The following XPO7 variants were observed in gnomAD, a reference collection of about 807,000 sequenced individuals.
XPO7 encodes exportin 7, also known as exportin-7.
A neutral mutation model predicts 144.3 loss-of-function variants in XPO7; 21 were observed. The ratio of observed to expected loss-of-function variants is 0.15; its 90% confidence interval spans 0.10 to 0.21. The LOEUF is 0.21. Among genes scored for constraint, XPO7 ranks in the 10% least tolerant of loss-of-function variants. The pLI is 1.00. For synonymous variants in XPO7, 580 were observed against 499.6 expected (o/e 1.16, Z -2.15); for missense variants, 808 against 1,325.8 (o/e 0.61, Z 6.06).
chr8:21,972,771 C>T (rs995976537), intron 5 of XPO7, among the ~76,000 whole-genome samples: 2 of 152,164 alleles, frequency 1.3e-5, no homozygotes, highest in Admixed American at 1.3e-4. Flanking sequence ...ATGATATCAG[C>T]ATTACTGTTG....
chr8:21,971,538 T>C (rs1045373110), intron 4 of XPO7, among the ~76,000 whole-genome samples: 1 of 152,242 alleles, frequency 6.6e-6, no homozygotes, highest in Non-Finnish European at 1.5e-5. Flanking sequence ...GTTTTATGCA[T>C]TCTCTTTATA....
intron 7 of XPO7, 50 bp from the exon 8 acceptor site, chr8:21,977,720 G>A (rs371794023): frequency 2.8e-4 from 443 of 1,558,456 alleles, no homozygotes; most frequent in Middle Eastern, 6.7e-4. Flanking sequence ...TATGCCAGCG[G>A]CAATGTTCAT....
rs1359079558 is a variant in XPO7, at chr8:21,999,139, C to T, written c.2477C>T (p.Ala826Val). The change falls in exon 23 of 28, where the codon GCT (alanine) becomes GTT (valine). Residue 826 changes from alanine (A) to valine (V), a missense_variant. Physicochemically the swap from Ala to Val is moderately conservative, Grantham distance 64. Coordinates refer to ENST00000252512, the MANE Select transcript of XPO7 (RefSeq NM_015024.5). The part of the protein sequence containing the change: ...LGEVPKDQVY[A>V]LKLKGISICF... ...GAGGTCCCAAAGGATCAGGTCTATGCTCTGAAGCTCAAGGGCATCTCCATC... is the reference window on the plus strand; with the variant it reads ...GAGGTCCCAAAGGATCAGGTCTATGTTCTGAAGCTCAAGGGCATCTCCATC... 2 of 1,613,942 alleles carry T rather than the reference C, an allele frequency of 1.2e-6. No homozygotes were observed. The highest frequency in any genetic ancestry group is 1.7e-5 in the Admixed American group (1 of 60,018).
rs756960586 is a variant in XPO7 at position 21,991,932 on chromosome 8, C to G, written c.2106C>G (p.Ala702=). ...TCACAGCAGCATTTGAGGCTGTGGC[C>G]CAGATGTTTAGCACCAATAGTTTCA... The part of the protein sequence containing the change: ...LPLTAAFEAV[A]QMFSTNSFNE... The change falls in exon 19 of 28, where the codon GCC becomes GCG. Residue 702 remains alanine (A), a synonymous_variant. Transcript: ENST00000252512. The G allele has an allele frequency of 6.2e-7, 1 of 1,613,454 alleles. No homozygotes were observed. The highest frequency in any genetic ancestry group is 1.3e-5 in the African/African-American group (1 of 74,876).
intron 1 of XPO7, among the ~76,000 whole-genome samples, chr8:21,940,510 C>T (rs995219703): frequency 2.6e-5 from 4 of 151,514 alleles, no homozygotes; most frequent in Non-Finnish European, 5.9e-5. Context: ...CACTGTGTCA[C>T]CCAGGCTGGA....
At chr8:21,963,666 G>GC (rs1329585870) in intron 1 of XPO7, among the ~76,000 whole-genome samples, 52 of 149,986 alleles carry the variant, frequency 3.5e-4, no homozygotes, top group African/African-American at 1.3e-3. Context: ...CTGCACTCCA[G>GC]CCTGGGCGAC....
intron 1 of XPO7, among the ~76,000 whole-genome samples, chr8:21,932,976 C>T (rs764837348): frequency 1.3e-5 from 2 of 151,794 alleles, no homozygotes; most frequent in African/African-American, 2.4e-5. Flanking sequence ...TGTGTTTCTA[C>T]GGGCAAGGAA....
Position 22,005,417 on chromosome 8 carries a change from A to T in XPO7, c.*329A>T, listed in dbSNP as rs1813295295. 1 of 203,598 alleles carries T rather than the reference A, an allele frequency of 4.9e-6. No individual in the cohort carries two copies. The highest frequency in any genetic ancestry group is 9.8e-6 in the Non-Finnish European group (1 of 101,650). The allele number at this position is 203,598 out of a possible 1,614,324, so 12.6% of individuals were successfully genotyped here. On this transcript the variant is annotated 3_prime_UTR_variant, in exon 28 of 28. Transcript: ENST00000252512. Reference sequence around the variant, plus strand: ...CTGCCACAACCTGCCTTGTATAAACATGTACATTTTTTCATAACATTTTGA... The same window carrying T: ...CTGCCACAACCTGCCTTGTATAAACTTGTACATTTTTTCATAACATTTTGA...
At chr8:21,922,013 GT>G (rs1283855682) in intron 1 of XPO7, among the ~76,000 whole-genome samples, 1 of 152,172 alleles carries the variant, frequency 6.6e-6, no homozygotes, top group African/African-American at 2.4e-5. Context: ...ATTAAAGACA[GT>G]CTGCAATGCA....
At position 21,984,655 on chromosome 8, in the gene XPO7, G is replaced by A. The variant is rs1425988359; in HGVS notation, c.1287G>A (p.Leu429=). 1.9e-6 allele frequency: 3 copies of A among 1,611,840 alleles called. No individual in the cohort carries two copies. The highest frequency in any genetic ancestry group is 1.7e-6 in the Non-Finnish European group (2 of 1,179,148). ...ESVHIILRDG[L]EDPLEDTGLV... is the part of the protein sequence containing the mutation. ...CTTCCCTTGGGAATAGAGATGGCCT[G>A]GAAGATCCCCTGGAGGATACGGGGC... The change falls in exon 12 of 28, where the codon CTG becomes CTA. Residue 429 remains leucine (L), a synonymous_variant. Coordinates refer to ENST00000252512, the MANE Select transcript of XPO7 (RefSeq NM_015024.5).
In XPO7 at chr8:21,944,866, CT is replaced by C. The variant is rs1464343220; in HGVS notation, c.19-21989del. Reference sequence around the variant, plus strand: ...TTAACAAAGCACATCTTGCACCGCCCTTAATCCATTTAACCCTTAGTGGACA... The same window carrying C: ...TTAACAAAGCACATCTTGCACCGCCCTAATCCATTTAACCCTTAGTGGACA... On this transcript the variant is annotated intron_variant, in intron 1 of 27. Coordinates refer to ENST00000252512, the MANE Select transcript of XPO7 (RefSeq NM_015024.5). 5.3e-5 allele frequency among the ~76,000 whole-genome samples: 8 copies of C among 152,298 alleles called. No individual in the cohort carries two copies. In the East Asian group the frequency reaches 1.5e-3, roughly 29 times the overall value.
At chr8:21,952,438 T>C (rs1811402714) in intron 1 of XPO7, among the ~76,000 whole-genome samples, 1 of 152,152 alleles carries the variant, frequency 6.6e-6, no homozygotes, top group South Asian at 2.1e-4. Context: ...CCAGAGAAGC[T>C]ATATAAAATA....
intron 1 of XPO7, among the ~76,000 whole-genome samples, chr8:21,942,961 C>G (rs1456939775): frequency 2.0e-5 from 3 of 152,210 alleles, no homozygotes; most frequent in Non-Finnish European, 2.9e-5. Flanking sequence ...CACTTTGATG[C>G]TACTGCCTTA....
chr8:21,969,421 A>G, intron 2 of XPO7, 62 bp from the exon 3 acceptor site: 2 of 1,424,630 alleles, frequency 1.4e-6, no homozygotes, highest in Non-Finnish European at 1.9e-6. Flanking sequence ...TCTCCAAGTT[A>G]AAAACCTTGT....
At chr8:21,925,001 A>C (rs1810413056) in intron 1 of XPO7, among the ~76,000 whole-genome samples, 1 of 152,228 alleles carries the variant, frequency 6.6e-6, no homozygotes, top group Non-Finnish European at 1.5e-5. Context: ...ATTGAGCATC[A>C]CAACAAGCCT....
chr8:21,978,431 C>T (rs1008184573), intron 8 of XPO7, among the ~76,000 whole-genome samples: 3 of 152,170 alleles, frequency 2.0e-5, no homozygotes, highest in Non-Finnish European at 4.4e-5. Context: ...AAAGAAGACA[C>T]AGTGAAGTAA....
At chr8:21,929,076 A>G (rs1810556393) in intron 1 of XPO7, among the ~76,000 whole-genome samples, 1 of 152,234 alleles carries the variant, frequency 6.6e-6, no homozygotes, top group Non-Finnish European at 1.5e-5. Flanking sequence ...CCAGTTTGAC[A>G]GGAACTGCAT....
Position 21,957,659 on chromosome 8 carries a change from A to G in XPO7, c.19-9198A>G, listed in dbSNP as rs147501171. ...GATATGTGATCAATCTGCCATTTTA[A>G]TATGAATTTCCTTTGGAAGCTTTAA... On this transcript the variant is annotated intron_variant, in intron 1 of 27. Coordinates refer to ENST00000252512, the MANE Select transcript of XPO7 (RefSeq NM_015024.5). 2.2e-3 allele frequency among the ~76,000 whole-genome samples: 334 copies of G among 152,290 alleles called. 1 individual carries two copies. The highest frequency in any genetic ancestry group is 7.4e-3 in the African/African-American group (307 of 41,564).
chr8:21,971,259 T>C (rs1179158166), intron 4 of XPO7, among the ~76,000 whole-genome samples: 3 of 152,192 alleles, frequency 2.0e-5, no homozygotes, highest in African/African-American at 7.2e-5. Context: ...AATCCTCTAA[T>C]AACACATTTC....
Sources: allele counts gnomAD v4.1 joint callset (sites outside exome capture counted in the v4.1 genomes callset), GRCh38; gene constraint gnomAD v4.1.1; transcripts MANE v1.5; gene names NCBI Gene and HGNC (gene_info 2026-07-23, HGNC 2026-07-21).